DOCK8: variants seen among roughly 807,000 people sequenced by gnomAD.
DOCK8 encodes dedicator of cytokinesis 8.
Under a neutral mutation model 245.6 loss-of-function variants are expected in DOCK8, and 141 were observed. The ratio of observed to expected loss-of-function variants is 0.57; its 90% CI spans 0.50 to 0.66. The LOEUF is 0.66. Ranked by LOEUF, DOCK8 falls within the 30% of genes least tolerant of loss-of-function variation. The pLI is 0.00. For missense variants in DOCK8, 2,965 were observed against 2,603.4 expected, an observed-to-expected ratio of 1.14 and a Z score of -3.02; for synonymous variants, 1,168 against 970.2, an observed-to-expected ratio of 1.20 and a Z score of -3.79.
intron 1 of DOCK8, among the ~76,000 whole-genome samples, chr9:248,547 TTCTCTCTCTCTCTCTTTCTTTCTTTC>T (rs1319523144): frequency 2.4e-4 from 16 of 67,482 alleles, no homozygotes; most frequent in African/African-American, 6.3e-4. Context: ...CTTTCTTTCT[TTCTCTCTCTCTCTCTTTCTTTCTTTC>T]TCTCTCTCTG....
intron 6 of DOCK8, among the ~76,000 whole-genome samples, chr9:315,841 A>C (rs1444249119): frequency 6.6e-6 from 1 of 152,260 alleles, no homozygotes; most frequent in Non-Finnish European, 1.5e-5. Context: ...GACCAAAGGC[A>C]GTCCCAGAAA....
chr9:270,166 A>C (rs2048125765), intron 1 of DOCK8, among the ~76,000 whole-genome samples: 1 of 152,190 alleles, frequency 6.6e-6, no homozygotes, highest in African/African-American at 2.4e-5. Context: ...GTTTTTCCTT[A>C]TACTTTTAAA....
intron 28 of DOCK8, among the ~76,000 whole-genome samples, chr9:412,514 A>G (rs1358388908): frequency 1.3e-5 from 2 of 152,298 alleles, no homozygotes; most frequent in South Asian, 2.1e-4. Flanking sequence ...ATAGAAAACC[A>G]TAAGGAATCC....
chr9:441,236 A>C (rs1298621197), intron 40 of DOCK8, 50 bp from the exon 41 acceptor site: 1 of 1,612,676 alleles, frequency 6.2e-7, no homozygotes, highest in Non-Finnish European at 8.5e-7. Flanking sequence ...TGCTCTTCTT[A>C]AGTTTCCAGT....
chr9:377,043 C>G lies in DOCK8; in HGVS notation c.2272C>G (p.Arg758Gly). 6.2e-7 allele frequency: 1 copy of G among 1,613,900 alleles called. No homozygotes were observed. The highest frequency in any genetic ancestry group is 2.2e-5 in the East Asian group (1 of 44,872). ...SLESQVTFPIRVLDQKISEMA... is the reference protein window; with the variant it reads ...SLESQVTFPIGVLDQKISEMA... Reference sequence around the variant, plus strand: ...GGAGAGCCAGGTGACCTTCCCCATCCGCGTGCTGGATCAGAAAATCAGCGA... The same window carrying G: ...GGAGAGCCAGGTGACCTTCCCCATCGGCGTGCTGGATCAGAAAATCAGCGA... The change falls in exon 20 of 48, where the codon CGC (arginine) becomes GGC (glycine). Residue 758 changes from arginine (R) to glycine (G), a missense_variant. Arg to Gly is a moderately radical substitution (Grantham distance 125, BLOSUM62 -2). Around this residue, in one of 3 missense-constraint regions of DOCK8, gnomAD observed 2,825 missense variants for 2,453.5 expected, o/e 1.15. Coordinates refer to ENST00000432829, the MANE Select transcript of DOCK8 (RefSeq NM_203447.4).
chr9:341,797 T>A (rs2051606952), intron 14 of DOCK8, among the ~76,000 whole-genome samples: 1 of 152,066 alleles, frequency 6.6e-6, no homozygotes, highest in African/African-American at 2.4e-5. Context: ...ATCGGGTGAG[T>A]GAAGCTTCAT....
At chr9:227,495 A>T (rs1028044063) in intron 1 of DOCK8, among the ~76,000 whole-genome samples, 1 of 152,184 alleles carries the variant, frequency 6.6e-6, no homozygotes, top group Non-Finnish European at 1.5e-5. Flanking sequence ...CAGGTGGTGG[A>T]TGATCTGTCA....
At chr9:252,447 G>A (rs1358911661) in intron 1 of DOCK8, among the ~76,000 whole-genome samples, 2 of 152,096 alleles carry the variant, frequency 1.3e-5, no homozygotes, top group Non-Finnish European at 2.9e-5. Flanking sequence ...TATGATTACT[G>A]TGTAAGTTAG....
intron 26 of DOCK8, among the ~76,000 whole-genome samples, 188 bp from the exon 27 acceptor site, chr9:404,730 A>G (rs539137159): frequency 1.4e-4 from 22 of 152,352 alleles, no homozygotes; most frequent in African/African-American, 4.8e-4. Context: ...ACTAAGGGGA[A>G]CAGTAATGAA....
rs1278324094 is a variant in DOCK8, at chr9:434,637, C to T, written c.4887-146C>T. The T allele has an allele frequency of 1.9e-5, 15 of 780,328 alleles. No individual in the cohort carries two copies. The East Asian group carries it at 2.1e-4, about 11-fold the overall frequency. The allele number at this position is 780,328 out of a possible 1,614,324, so 48.3% of individuals were successfully genotyped here. A position where few individuals can be genotyped will look rare whatever the true frequency, so the allele number is the denominator to read the frequency against. On this transcript the variant is annotated intron_variant, in intron 38 of 47. Coordinates refer to ENST00000432829, the MANE Select transcript of DOCK8 (RefSeq NM_203447.4). Reference sequence around the variant, plus strand: ...GACTAATAAATGTTTTCTTCTGTCTCGTTTTCTGGAAATATAGGGCAAAAT... The same window carrying T: ...GACTAATAAATGTTTTCTTCTGTCTTGTTTTCTGGAAATATAGGGCAAAAT...
chr9:353,485 A>C (rs369824136), intron 14 of DOCK8, among the ~76,000 whole-genome samples: 1 of 152,224 alleles, frequency 6.6e-6, no homozygotes, highest in Non-Finnish European at 1.5e-5. Context: ...CCAAATAACC[A>C]AAAATATCAG....
chr9:391,994 C>T (rs12335438), intron 24 of DOCK8, among the ~76,000 whole-genome samples: 5,031 of 151,482 alleles, frequency 0.033, 188 homozygotes, highest in African/African-American at 0.093. Context: ...AAAAATTAGC[C>T]GGGTGTGGTG....
intron 7 of DOCK8, among the ~76,000 whole-genome samples, chr9:319,622 A>T (rs947505009): frequency 2.6e-5 from 4 of 152,200 alleles, no homozygotes; most frequent in Admixed American, 6.5e-5. Flanking sequence ...TTACATTGAT[A>T]TGTAGGATTC....
intron 1 of DOCK8, chr9:220,803 C>A (rs1468541399): frequency 5.4e-6 from 2 of 370,692 alleles, no homozygotes; most frequent in Non-Finnish European, 1.0e-5. Context: ...TCACTGCAAC[C>A]TCTGCCTCCC....
intron 5 of DOCK8, among the ~76,000 whole-genome samples, chr9:306,233 A>G (rs2049820088): frequency 1.3e-5 from 2 of 152,318 alleles, no homozygotes; most frequent in Non-Finnish European, 2.9e-5. Flanking sequence ...CTAATTTTTC[A>G]GACAAGGTGG....
chr9:435,907 A>G (rs2056884029), intron 39 of DOCK8, among the ~76,000 whole-genome samples: 1 of 152,240 alleles, frequency 6.6e-6, no homozygotes, highest in Non-Finnish European at 1.5e-5. Flanking sequence ...TAGCTACAGT[A>G]ATAGAGTGTT....
At chr9:403,960 GTATATATA>G (rs773503416) in intron 26 of DOCK8, among the ~76,000 whole-genome samples, 1 of 67,264 alleles carries the variant, frequency 1.5e-5, no homozygotes, top group Non-Finnish European at 2.6e-5. Context: ...ATATATATAT[GTATATATA>G]TATATATGTG....
chr9:409,846 T>G (rs530105272), intron 28 of DOCK8, among the ~76,000 whole-genome samples: 1 of 152,232 alleles, frequency 6.6e-6, no homozygotes, highest in East Asian at 1.9e-4. Context: ...GTTTTCAGCT[T>G]CATCCATGTC....
At chr9:330,350 G>A (rs1234953747) in intron 9 of DOCK8, among the ~76,000 whole-genome samples, 4 of 152,072 alleles carry the variant, frequency 2.6e-5, no homozygotes, top group Non-Finnish European at 4.4e-5. Flanking sequence ...CCTTATGTAA[G>A]GGCCACATAG....
Sources: allele counts gnomAD v4.1 joint callset (sites outside exome capture counted in the v4.1 genomes callset), GRCh38; gene constraint gnomAD v4.1.1; regional missense constraint gnomAD v4.1.1; transcripts MANE v1.5; gene names NCBI Gene and HGNC (gene_info 2026-07-23, HGNC 2026-07-21).